The following RARS2 variants were observed in gnomAD, a reference collection of about 807,000 sequenced individuals.
RARS2 encodes the protein arginyl-tRNA synthetase 2, mitochondrial.
In RARS2, 67 loss-of-function variants were observed where a neutral mutation model predicts 88.5. The ratio of observed to expected loss-of-function variants is 0.76; its 90% CI spans 0.62 to 0.93. The LOEUF is 0.93. Among genes scored for constraint, RARS2 ranks in the 40% least tolerant of loss-of-function variants. RARS2 has a pLI of 0.00. For missense variants in RARS2, 664 were observed against 684.2 expected, an observed-to-expected ratio of 0.97 and a Z score of 0.33; for synonymous variants, 239 against 230.3, an observed-to-expected ratio of 1.04 and a Z score of -0.34.
chr6:87,536,637 G>GAAAAA (rs11459821), intron 8 of RARS2, among the ~76,000 whole-genome samples: 1 of 106,858 alleles, frequency 9.4e-6, no homozygotes, highest in Non-Finnish European at 2.0e-5. Context: ...ACCCCATCAC[G>GAAAAA]AAAAAAAAAA....
intron 1 of RARS2, among the ~76,000 whole-genome samples, chr6:87,573,688 T>A (rs1283487767): frequency 6.6e-6 from 1 of 151,680 alleles, no homozygotes; most frequent in Non-Finnish European, 1.5e-5. Flanking sequence ...TTTCACAATT[T>A]AAAAAAACAC....
intron 1 of RARS2, among the ~76,000 whole-genome samples, chr6:87,575,429 T>A (rs1233238028): frequency 6.6e-6 from 1 of 152,138 alleles, no homozygotes; most frequent in Non-Finnish European, 1.5e-5. Flanking sequence ...CTATAAGCAA[T>A]GGAGGCTTAA....
At chr6:87,521,969 A>G (rs538910567) in intron 11 of RARS2, among the ~76,000 whole-genome samples, 1 of 152,342 alleles carries the variant, frequency 6.6e-6, no homozygotes, top group South Asian at 2.1e-4. Context: ...ATACTCTCCT[A>G]TTAGTATTAC....
rs757978087 is a variant in RARS2 at position 87,521,448 on chromosome 6, T to G, written c.1035+16A>C. On this transcript the variant is annotated intron_variant, in intron 12 of 19. Coordinates refer to ENST00000369536, the MANE Select transcript of RARS2 (RefSeq NM_020320.5). ...CATGAGTTAAGAGATCATAACTTTT[T>G]GTTCTGATTACTTACCACATATATC... 9.6e-6 allele frequency: 15 copies of G among 1,564,828 alleles called. No homozygotes were observed. Among genetic ancestry groups the G allele is most frequent in the African/African-American group, 1.4e-5 (1 of 73,856 alleles).
chr6:87,583,325 C>G (rs1774159187), intron 1 of RARS2, among the ~76,000 whole-genome samples: 1 of 152,186 alleles, frequency 6.6e-6, no homozygotes, highest in Admixed American at 6.5e-5. Context: ...AATGGTGGCT[C>G]TTGCCTGTAA....
chr6:87,525,973 T>C (rs148012935), intron 10 of RARS2, among the ~76,000 whole-genome samples: 39 of 152,252 alleles, frequency 2.6e-4, no homozygotes, highest in Admixed American at 1.6e-3. Context: ...GTAAAATATC[T>C]GTACACTGAA....
intron 1 of RARS2, among the ~76,000 whole-genome samples, chr6:87,588,084 T>C (rs1207663547): frequency 1.3e-5 from 2 of 152,086 alleles, no homozygotes; most frequent in East Asian, 1.9e-4. Flanking sequence ...CAATTTACAG[T>C]CTTTACAAAG....
chr6:87,565,040 A>G (rs1767453007), intron 2 of RARS2, among the ~76,000 whole-genome samples: 1 of 152,224 alleles, frequency 6.6e-6, no homozygotes, highest in Admixed American at 6.5e-5. Flanking sequence ...TCTGGGTGAC[A>G]GAGCAAGACC....
intron 10 of RARS2, among the ~76,000 whole-genome samples, chr6:87,527,429 T>G (rs1776119034): frequency 6.6e-6 from 1 of 152,156 alleles, no homozygotes. Context: ...CAATTCAAAG[T>G]GGATTAAAGA....
At chr6:87,566,899 G>C (rs1030119574) in intron 2 of RARS2, among the ~76,000 whole-genome samples, 1 of 150,342 alleles carries the variant, frequency 6.7e-6, no homozygotes. Flanking sequence ...CAGACGGCGT[G>C]TAAAAGAAAC....
At chr6:87,533,120 C>T (rs370181760) in intron 8 of RARS2, among the ~76,000 whole-genome samples, 1 of 151,738 alleles carries the variant, frequency 6.6e-6, no homozygotes. Context: ...TTCATAAAGC[C>T]TTTCTTCAGG....
chr6:87,516,902 G>A lies in RARS2; in HGVS notation c.1512-22C>T. 4 of 1,612,906 alleles carry A rather than the reference G, an allele frequency of 2.5e-6. No homozygotes were observed. The East Asian group carries it at 8.9e-5, about 36-fold the overall frequency. ...GAACCTAAAAGATGACAGGAACAGT[G>A]AACAGGAAAAGACTGTACACATTAC... On this transcript the variant is annotated intron_variant, in intron 17 of 19. Transcript: ENST00000369536.
chr6:87,555,382 A>G (rs766029735), intron 5 of RARS2, 26 bp downstream of exon 5: 4 of 1,567,244 alleles, frequency 2.6e-6, no homozygotes, highest in Middle Eastern at 1.7e-4. Context: ...TTGATTAAGC[A>G]ACACATAAAA....
intron 17 of RARS2, among the ~76,000 whole-genome samples, chr6:87,517,934 C>T (rs775155603): frequency 3.3e-5 from 5 of 152,074 alleles, no homozygotes; most frequent in African/African-American, 7.2e-5. Context: ...TAGACATGTG[C>T]GCTATTCATC....
In RARS2 at chr6:87,518,238, T is replaced by C. The variant is rs775657290; in HGVS notation, c.1442A>G (p.Tyr481Cys). 1.1e-5 allele frequency: 17 copies of C among 1,614,164 alleles called. 1 individual carries two copies. The Middle Eastern group carries it at 8.2e-4, about 78-fold the overall frequency. ...ACAAGCAGTGTTGAAGTCATTCAGG[T>C]ACCCACATCCAAAAGTCTCTTCCAA... ...HSLEETFGCG[Y>C]LNDFNTACLQ... Residue 481 changes from tyrosine (Y) to cysteine (C), a missense_variant, in exon 17 of 20, where the codon TAC becomes TGC. Physicochemically the swap from Tyr to Cys is radical, Grantham distance 194. Transcript: ENST00000369536.
intron 5 of RARS2, among the ~76,000 whole-genome samples, chr6:87,552,227 T>C (rs970694008): frequency 1.3e-5 from 2 of 152,150 alleles, no homozygotes; most frequent in African/African-American, 2.4e-5. Context: ...CTGGGGAATG[T>C]TGCTTGGTCT....
At chr6:87,552,722 T>C (rs1784751855) in intron 5 of RARS2, among the ~76,000 whole-genome samples, 1 of 152,100 alleles carries the variant, frequency 6.6e-6, no homozygotes, top group Non-Finnish European at 1.5e-5. Context: ...ACAGTATTTC[T>C]AGAGCTTAGC....
chr6:87,537,003 A>G (rs1440280322), intron 8 of RARS2, among the ~76,000 whole-genome samples: 2 of 152,252 alleles, frequency 1.3e-5, no homozygotes, highest in African/African-American at 4.8e-5. Flanking sequence ...AATGCAATAA[A>G]TGACTGTGGG....
At chr6:87,557,268 A>G (rs912619696) in intron 4 of RARS2, among the ~76,000 whole-genome samples, 2 of 152,236 alleles carry the variant, frequency 1.3e-5, no homozygotes, top group African/African-American at 4.8e-5. Context: ...CACATTGTGC[A>G]ATAAGAAACA....
Sources: allele counts gnomAD v4.1 joint callset (sites outside exome capture counted in the v4.1 genomes callset), GRCh38; gene constraint gnomAD v4.1.1; transcripts MANE v1.5; gene names NCBI Gene and HGNC (gene_info 2026-07-23, HGNC 2026-07-21).